Variants in GRM5 observed in about 807,000 individuals in gnomAD.
The protein encoded by GRM5 is metabotropic glutamate receptor 5.
Under a neutral mutation model 83.1 loss-of-function variants are expected in GRM5, and 19 were observed. The ratio of observed to expected loss-of-function variants is 0.23; its 90% CI spans 0.16 to 0.34. The LOEUF is 0.34. Ranked by LOEUF, GRM5 falls within the 10% of genes least tolerant of loss-of-function variation. The pLI is 1.00. For missense variants in GRM5, 1,160 were observed against 1,588.3 expected (o/e 0.73, Z 4.58); for synonymous variants, 675 against 633.6 (o/e 1.07, Z -0.98).
chr11:88,659,112 A>T (rs1028577408), intron 3 of GRM5, among the ~76,000 whole-genome samples: 2 of 152,308 alleles, frequency 1.3e-5, no homozygotes, highest in Non-Finnish European at 2.9e-5. Flanking sequence ...AGCCATATTT[A>T]TAAGGAATCT....
At chr11:88,974,416 G>A (rs1422911441) in intron 2 of GRM5, among the ~76,000 whole-genome samples, 2 of 151,426 alleles carry the variant, frequency 1.3e-5, no homozygotes, top group East Asian at 1.9e-4. Flanking sequence ...TAGATAGATA[G>A]ATAGATAATC....
intron 2 of GRM5, among the ~76,000 whole-genome samples, chr11:88,988,050 T>C (rs2135039556): frequency 6.6e-6 from 1 of 150,752 alleles, no homozygotes; most frequent in Non-Finnish European, 1.5e-5. Context: ...CTTCAGACGA[T>C]CAAATTACTC....
chr11:88,944,816 C>A (rs776704271), intron 2 of GRM5, among the ~76,000 whole-genome samples: 1 of 151,840 alleles, frequency 6.6e-6, no homozygotes, highest in Non-Finnish European at 1.5e-5. Context: ...GACAAGGATT[C>A]CCAGTCTCAC....
intron 3 of GRM5, among the ~76,000 whole-genome samples, chr11:88,722,972 C>A (rs547723650): frequency 6.3e-4 from 85 of 134,154 alleles, no homozygotes; most frequent in African/African-American, 2.5e-3. Context: ...GCCTCATACA[C>A]AATAAAATTT....
intron 3 of GRM5, among the ~76,000 whole-genome samples, chr11:88,693,216 C>A (rs928069465): frequency 6.6e-6 from 1 of 152,156 alleles, no homozygotes; most frequent in Non-Finnish European, 1.5e-5. Flanking sequence ...ATGTTAGGTA[C>A]TATGGGAGAA....
At chr11:88,540,068 G>A (rs1942230206) in intron 8 of GRM5, among the ~76,000 whole-genome samples, 1 of 152,146 alleles carries the variant, frequency 6.6e-6, no homozygotes, top group Non-Finnish European at 1.5e-5. Context: ...TAAAAGCAGG[G>A]ACATTTATGA....
At chr11:89,051,585 C>T (rs1366557277) in intron 1 of GRM5, among the ~76,000 whole-genome samples, 1 of 150,552 alleles carries the variant, frequency 6.6e-6, no homozygotes, top group East Asian at 2.0e-4. Flanking sequence ...TGGTGCACGC[C>T]TGTAATCCCA....
chr11:88,790,957 C>T (rs998993828), intron 3 of GRM5, among the ~76,000 whole-genome samples: 3 of 152,070 alleles, frequency 2.0e-5, no homozygotes, highest in African/African-American at 7.2e-5. Flanking sequence ...AGAAAGATCA[C>T]TGGCAGCAAT....
At chr11:88,888,729 T>A (rs1375418592) in intron 2 of GRM5, among the ~76,000 whole-genome samples, 1 of 152,110 alleles carries the variant, frequency 6.6e-6, no homozygotes, top group Non-Finnish European at 1.5e-5. Context: ...TTTTAATTAA[T>A]GAGAAAGGAT....
intron 7 of GRM5, among the ~76,000 whole-genome samples, chr11:88,588,388 A>T (rs532685776): frequency 6.6e-6 from 1 of 152,190 alleles, no homozygotes; most frequent in Admixed American, 6.6e-5. Flanking sequence ...CATTCCTGTC[A>T]TTAAAAAAAG....
chr11:88,620,922 C>G (rs1295130512), intron 4 of GRM5, among the ~76,000 whole-genome samples: 1 of 152,194 alleles, frequency 6.6e-6, no homozygotes, highest in Admixed American at 6.6e-5. Flanking sequence ...GAAGAGGCTT[C>G]TTCAGGGAGC....
intron 2 of GRM5, among the ~76,000 whole-genome samples, chr11:88,910,724 A>G (rs1250456691): frequency 1.3e-5 from 2 of 152,122 alleles, no homozygotes; most frequent in African/African-American, 2.4e-5. Flanking sequence ...AAGCAAGAAC[A>G]TGATAAACCA....
chr11:88,941,925 G>A (rs1938127920), intron 2 of GRM5, among the ~76,000 whole-genome samples: 1 of 152,000 alleles, frequency 6.6e-6, no homozygotes, highest in African/African-American at 2.4e-5. Flanking sequence ...AACGGACCAG[G>A]ACTTTTCAAA....
At chr11:88,690,181 G>A (rs138566138) in intron 3 of GRM5, among the ~76,000 whole-genome samples, 46 of 152,050 alleles carry the variant, frequency 3.0e-4, no homozygotes, top group East Asian at 1.9e-4. Flanking sequence ...TATAACAGAG[G>A]CATCACAGTT....
chr11:88,792,383 C>G (rs976826720), intron 3 of GRM5, among the ~76,000 whole-genome samples: 1 of 151,942 alleles, frequency 6.6e-6, no homozygotes, highest in Non-Finnish European at 1.5e-5. Flanking sequence ...CTTTGGTGCC[C>G]AATCTCTAAA....
chr11:88,774,695 C>T (rs951081716), intron 3 of GRM5, among the ~76,000 whole-genome samples: 1 of 152,180 alleles, frequency 6.6e-6, no homozygotes, highest in Non-Finnish European at 1.5e-5. Flanking sequence ...TTTTCTGCAT[C>T]TATTGAGATA....
At chr11:88,834,839 C>T (rs1944062862) in intron 3 of GRM5, among the ~76,000 whole-genome samples, 1 of 152,172 alleles carries the variant, frequency 6.6e-6, no homozygotes, top group Non-Finnish European at 1.5e-5. Flanking sequence ...TGTTCTCCAC[C>T]AGGAGACTTT....
intron 3 of GRM5, among the ~76,000 whole-genome samples, chr11:88,704,789 C>T (rs1376551447): frequency 4.6e-5 from 7 of 151,984 alleles, no homozygotes; most frequent in Admixed American, 6.6e-5. Flanking sequence ...CTCTTCTTCG[C>T]TCTATACTTT....
intron 3 of GRM5, among the ~76,000 whole-genome samples, chr11:88,718,630 G>A (rs577318874): frequency 6.6e-6 from 1 of 151,998 alleles, no homozygotes; most frequent in East Asian, 1.9e-4. Flanking sequence ...TTTGTTCAAA[G>A]ACTGCCTCTT....
Sources: allele counts gnomAD v4.1 joint callset (sites outside exome capture counted in the v4.1 genomes callset), GRCh38; gene constraint gnomAD v4.1.1; transcripts MANE v1.5; gene names NCBI Gene and HGNC (gene_info 2026-07-23, HGNC 2026-07-21).